C8A: variants seen among roughly 807,000 people sequenced by gnomAD.
The protein encoded by C8A is complement C8 alpha chain.
A neutral mutation model predicts 65.3 loss-of-function variants in C8A; 67 were observed. The observed-to-expected ratio is 1.03, with a 90% CI of 0.84 to 1.26. C8A has a LOEUF of 1.26. C8A is among the 50% of genes most tolerant of loss of function. The pLI, the probability that C8A is intolerant of heterozygous loss-of-function variation, is 0.00. For missense variants in C8A, 781 were observed against 723.9 expected (o/e 1.08, Z -0.90); for synonymous variants, 290 against 259.4 (o/e 1.12, Z -1.13).
At chr1:56,855,230 A>G (rs911797744) in intron 1 of C8A, among the ~76,000 whole-genome samples, 3 of 152,276 alleles carry the variant, frequency 2.0e-5, no homozygotes, top group Admixed American at 2.0e-4. Context: ...CATCGGTTTG[A>G]TCCTTAGTTT....
chr1:56,914,439 G>A (rs901522765), intron 10 of C8A, among the ~76,000 whole-genome samples: 1 of 152,162 alleles, frequency 6.6e-6, no homozygotes, highest in African/African-American at 2.4e-5. Flanking sequence ...AACATGGTGA[G>A]CAGTTGGTAG....
intron 7 of C8A, among the ~76,000 whole-genome samples, chr1:56,894,699 A>G (rs575833066): frequency 6.6e-6 from 1 of 152,240 alleles, no homozygotes; most frequent in Non-Finnish European, 1.5e-5. Flanking sequence ...CCTGTATTTC[A>G]TTCAGTCCTC....
At chr1:56,908,723 A>G (rs998679367) in intron 9 of C8A, among the ~76,000 whole-genome samples, 3 of 152,184 alleles carry the variant, frequency 2.0e-5, no homozygotes, top group East Asian at 1.9e-4. Flanking sequence ...ATTCCCTCCC[A>G]TTAAAAAGAT....
intron 9 of C8A, among the ~76,000 whole-genome samples, chr1:56,909,281 T>C (rs1644489339): frequency 6.6e-6 from 1 of 152,224 alleles, no homozygotes; most frequent in South Asian, 2.1e-4. Context: ...CACCCTTGCC[T>C]ATTTTTCTAC....
At chr1:56,870,628 C>A (rs1644135519) in intron 2 of C8A, among the ~76,000 whole-genome samples, 1 of 150,044 alleles carries the variant, frequency 6.7e-6, no homozygotes, top group South Asian at 2.1e-4. Context: ...TAAATTAGGA[C>A]TTGATATCTT....
At chr1:56,913,995 A>G (rs1168581080) in intron 10 of C8A, among the ~76,000 whole-genome samples, 2 of 152,248 alleles carry the variant, frequency 1.3e-5, no homozygotes, top group Non-Finnish European at 2.9e-5. Context: ...TGGCGTACCA[A>G]GATTTTTGTT....
At chr1:56,881,911 C>G (rs1366664854) in intron 5 of C8A, among the ~76,000 whole-genome samples, 1 of 152,124 alleles carries the variant, frequency 6.6e-6, no homozygotes, top group Non-Finnish European at 1.5e-5. Context: ...AATCAGACAA[C>G]CTATTTCTAA....
At chr1:56,882,745 G>A (rs552411081) in intron 5 of C8A, among the ~76,000 whole-genome samples, 93 of 152,256 alleles carry the variant, frequency 6.1e-4, no homozygotes, top group African/African-American at 2.0e-3. Flanking sequence ...AGGTCTTGGG[G>A]CTCTGTATCA....
chr1:56,878,333 A>T (rs920916867), intron 4 of C8A, among the ~76,000 whole-genome samples: 1 of 152,326 alleles, frequency 6.6e-6, no homozygotes, highest in African/African-American at 2.4e-5. Context: ...AGCCCGTAAC[A>T]TCAATAAAAG....
chr1:56,907,780 G>A (rs1644477392), intron 8 of C8A, among the ~76,000 whole-genome samples, 176 bp from the exon 9 acceptor site: 1 of 152,200 alleles, frequency 6.6e-6, no homozygotes. Flanking sequence ...GTCTATTTCT[G>A]AGTCTTGGTC....
At chr1:56,888,631 G>A (rs183726466) in intron 7 of C8A, among the ~76,000 whole-genome samples, 6 of 152,224 alleles carry the variant, frequency 3.9e-5, no homozygotes, top group Admixed American at 3.9e-4. Context: ...TTTGTATCGT[G>A]TCATGATGCA....
intron 4 of C8A, among the ~76,000 whole-genome samples, chr1:56,878,583 T>C (rs1644221458): frequency 6.6e-6 from 1 of 152,198 alleles, no homozygotes; most frequent in Non-Finnish European, 1.5e-5. Flanking sequence ...GGTTCTTCTA[T>C]TTATCTCAGA....
chr1:56,901,879 T>A (rs1320791143), intron 7 of C8A, among the ~76,000 whole-genome samples: 2 of 152,064 alleles, frequency 1.3e-5, no homozygotes, highest in Non-Finnish European at 2.9e-5. Context: ...AATAATTATC[T>A]GTTTCCTTGT....
At chr1:56,881,768 T>G in intron 5 of C8A, 134 bp downstream of exon 5, 1 of 815,854 alleles carries the variant, frequency 1.2e-6, no homozygotes, top group Non-Finnish European at 2.1e-6. Flanking sequence ...GTCTCCTTCA[T>G]ACCCATCCCC....
At chr1:56,902,027 T>C (rs585061) in intron 7 of C8A, among the ~76,000 whole-genome samples, 113,556 of 152,044 alleles carry the variant, frequency 0.75, 43,234 homozygotes, top group East Asian at 1. Context: ...TAAAGTATTC[T>C]GCTGTGTTCT....
intron 10 of C8A, among the ~76,000 whole-genome samples, chr1:56,912,919 C>T (rs866796490): frequency 2.2e-4 from 33 of 152,336 alleles, no homozygotes; most frequent in Middle Eastern, 3.4e-3. Context: ...AACAAATCAT[C>T]ACAAATTAGG....
rs369360225 is a variant in C8A, at chr1:56,917,657, G to T, written c.1696G>T (p.Ala566Ser). Residue 566 changes from alanine to serine, a missense_variant, in exon 11 of 11, where the codon GCA becomes TCA. Ala to Ser is a moderately conservative substitution (Grantham distance 99, BLOSUM62 1). Transcript: ENST00000361249. ...QERRRECDNP[A>S]PQNGGASCPG... is the part of the protein sequence containing the mutation. ...AAGGAGAAGAGAGTGTGACAATCCA[G>T]CACCTCAGAATGGAGGGGCCTCGTG... 40 of 1,614,110 alleles carry T rather than the reference G, an allele frequency of 2.5e-5. No individual in the cohort carries two copies. Among genetic ancestry groups the T allele is most frequent in the Non-Finnish European group, 3.3e-5 (39 of 1,180,044 alleles).
intron 7 of C8A, among the ~76,000 whole-genome samples, chr1:56,902,378 CTT>C (rs35197491): frequency 6.6e-6 from 1 of 151,956 alleles, no homozygotes; most frequent in Non-Finnish European, 1.5e-5. Flanking sequence ...AAAGATAAAT[CTT>C]TTTTCCTTTC....
chr1:56,874,924 G>A (rs757422595), intron 2 of C8A, 25 bp from the exon 3 acceptor site: 7 of 1,612,766 alleles, frequency 4.3e-6, no homozygotes, highest in Middle Eastern at 1.7e-4. Context: ...TGACAAGAAT[G>A]TGTCTTGTTC....
Sources: gnomAD v4.1 joint callset for allele counts (sites outside exome capture counted in the v4.1 genomes callset) on GRCh38, gnomAD v4.1.1 for gene constraint, MANE v1.5 for transcripts, NCBI Gene and HGNC (gene_info 2026-07-23, HGNC 2026-07-21) for gene names.